Variants in GSPT1 observed in about 807,000 individuals in gnomAD.
The protein encoded by GSPT1 is eukaryotic peptide chain release factor GTP-binding subunit ERF3A.
In GSPT1, 20 loss-of-function variants were observed where a neutral mutation model predicts 72.5. That is an observed-to-expected ratio of 0.28 (90% CI 0.19 to 0.40). The LOEUF (loss-of-function observed/expected upper bound fraction) is 0.40. GSPT1 is among the 10% of genes least tolerant of loss of function. The pLI, the probability that GSPT1 is intolerant of heterozygous loss-of-function variation, is 1.00. For missense variants in GSPT1, 580 were observed against 811.9 expected (o/e 0.71, Z 3.47); for synonymous variants, 334 against 293.5 (o/e 1.14, Z -1.41).
intron 14 of GSPT1, among the ~76,000 whole-genome samples, chr16:11,874,989 A>C (rs956253420): frequency 2.6e-5 from 4 of 152,336 alleles, no homozygotes; most frequent in Non-Finnish European, 5.9e-5. Flanking sequence ...CAGGAGATCA[A>C]GACCATCCTG....
chr16:11,892,136 G>C (rs1188167449), intron 5 of GSPT1, among the ~76,000 whole-genome samples: 1 of 151,026 alleles, frequency 6.6e-6, no homozygotes, highest in East Asian at 2.0e-4. Context: ...TTGAGGCCAG[G>C]AGTTTGAGAC....
chr16:11,897,727 A>C, intron 3 of GSPT1, 113 bp downstream of exon 3: 1 of 669,250 alleles, frequency 1.5e-6, no homozygotes, highest in Non-Finnish European at 2.8e-6. Flanking sequence ...GCAAAGACTC[A>C]ATGTGTCTTA....
rs552118361 is a variant in GSPT1 at position 11,893,779 on chromosome 16, G to A, written c.698+1175C>T. Among the ~76,000 whole-genome samples, 22 of 152,232 alleles carry A rather than the reference G, an allele frequency of 1.4e-4. No homozygotes were observed. In the East Asian group the frequency reaches 4.2e-3, roughly 29 times the overall value. ...ATGGCTGTGACACTTCAACCACAGA[G>A]ACCTGGGGAAGGACCCCTGTTTAAC... On this transcript the variant is annotated intron_variant, in intron 5 of 14. Coordinates refer to ENST00000434724, the MANE Select transcript of GSPT1 (RefSeq NM_002094.4).
intron 1 of GSPT1, among the ~76,000 whole-genome samples, chr16:11,910,964 CAA>C (rs963445324): frequency 1.3e-5 from 2 of 152,148 alleles, no homozygotes; most frequent in Non-Finnish European, 2.9e-5. Flanking sequence ...AACCATGAAA[CAA>C]GAGACAAAAA....
chr16:11,879,326 G>A (rs184088146), intron 11 of GSPT1, among the ~76,000 whole-genome samples: 2 of 151,690 alleles, frequency 1.3e-5, no homozygotes, highest in East Asian at 1.9e-4. Flanking sequence ...CCCTGGAGGT[G>A]GAGGTTGCAG....
chr16:11,896,772 C>T lies in GSPT1; in HGVS notation c.450G>A (p.Glu150=). The stretch of plus-strand genomic sequence containing the variant: ...ATGATTCTTCTGGAGACATTTCTGT[C>T]TCTCCATTTTCTACTGAAGAAAGAC... ...ELSEPIVENG[E]TEMSPEESWE... The change falls in exon 4 of 15, where the codon GAG becomes GAA. Residue 150 remains glutamate (E), a synonymous_variant. Coordinates refer to ENST00000434724, the MANE Select transcript of GSPT1 (RefSeq NM_002094.4). 1 of 1,578,500 alleles carries T rather than the reference C, an allele frequency of 6.3e-7. No individual in the cohort carries two copies. Among genetic ancestry groups the T allele is most frequent in the Non-Finnish European group, 8.6e-7 (1 of 1,158,956 alleles).
At chr16:11,890,876 T>C (rs1448358581) in intron 6 of GSPT1, 186 bp downstream of exon 6, 3 of 407,072 alleles carry the variant, frequency 7.4e-6, no homozygotes, top group Admixed American at 9.0e-5. Flanking sequence ...TGTTTCCAAA[T>C]TTCTCTGTGT....
chr16:11,876,455 C>T (rs986928567), intron 12 of GSPT1, among the ~76,000 whole-genome samples: 3 of 152,040 alleles, frequency 2.0e-5, no homozygotes, highest in Admixed American at 6.6e-5. Flanking sequence ...GCTGGCTGGG[C>T]GCAGTGGTTC....
chr16:11,884,042 T>C (rs2054157473), intron 10 of GSPT1, among the ~76,000 whole-genome samples: 1 of 152,178 alleles, frequency 6.6e-6, no homozygotes. Flanking sequence ...AAAGCAATAC[T>C]TGTTAAAGAA....
rs193011652 is a variant in GSPT1 at position 11,912,907 on chromosome 16, T to A, written c.352+2462A>T. 2.6e-5 allele frequency among the ~76,000 whole-genome samples: 4 copies of A among 152,284 alleles called. No homozygotes were observed. In the East Asian group the frequency reaches 7.7e-4, roughly 29 times the overall value. ...TTCTTAAGGAACCTATATTCTTTAG[T>A]TTTCAAAGAGATCCAAGGTCAATAC... On this transcript the variant is annotated intron_variant, in intron 1 of 14. Transcript: ENST00000434724.
In GSPT1 at chr16:11,876,160, G is replaced by A. The variant is rs1234659855; in HGVS notation, c.1618C>T (p.His540Tyr). Reference sequence around the variant, plus strand: ...TAGCCTGGGCAGATGATGGATTTGTGCTCTATAATCACTATCTGTCAAACA... The same window carrying A: ...TAGCCTGGGCAGATGATGGATTTGTACTCTATAATCACTATCTGTCAAACA... The part of the protein sequence containing the change: ...TFDAQIVIIE[H>Y]KSIICPGYNA... The change falls in exon 13 of 15, where the codon CAC becomes TAC. Residue 540 changes from histidine (H) to tyrosine (Y), a missense_variant. Coordinates refer to ENST00000434724, the MANE Select transcript of GSPT1 (RefSeq NM_002094.4). 1 of 1,599,598 alleles carries A rather than the reference G, an allele frequency of 6.3e-7. No individual in the cohort carries two copies. The highest frequency in any genetic ancestry group is 2.2e-5 in the East Asian group (1 of 44,816).
chr16:11,874,202 T>C (rs2054010778), intron 14 of GSPT1, among the ~76,000 whole-genome samples: 1 of 152,152 alleles, frequency 6.6e-6, no homozygotes. Context: ...GTGATGGTTG[T>C]ACAATTCTGT....
intron 1 of GSPT1, chr16:11,903,829 T>C (rs1052195107): frequency 1.3e-5 from 2 of 152,322 alleles, no homozygotes; most frequent in East Asian, 1.9e-4. Context: ...AGACGAACTA[T>C]TAGCCCACAT....
chr16:11,907,550 G>A (rs1361500639), intron 1 of GSPT1, among the ~76,000 whole-genome samples: 1 of 152,172 alleles, frequency 6.6e-6, no homozygotes, highest in Non-Finnish European at 1.5e-5. Context: ...GCAAATGCCA[G>A]GGCCACTCTC....
intron 1 of GSPT1, chr16:11,903,796 ATTTG>A (rs1033541720): frequency 2.0e-5 from 3 of 152,232 alleles, no homozygotes; most frequent in Non-Finnish European, 2.9e-5. Flanking sequence ...GGCTTTATTT[ATTTG>A]TTTGTTAATT....
chr16:11,898,340 G>A (rs1490456473), intron 1 of GSPT1, among the ~76,000 whole-genome samples: 2 of 151,870 alleles, frequency 1.3e-5, no homozygotes, highest in East Asian at 3.9e-4. Context: ...AAAGTAATTT[G>A]CAGCTCAGCA....
intron 5 of GSPT1, among the ~76,000 whole-genome samples, chr16:11,892,531 A>AAAAAAAAT (rs1567443313): frequency 7.1e-6 from 1 of 139,864 alleles, no homozygotes; most frequent in African/African-American, 2.8e-5. Context: ...AACAAAAAAA[A>AAAAAAAAT]CAAAAAATAA....
intron 3 of GSPT1, 101 bp downstream of exon 3, chr16:11,897,739 A>C: frequency 1.4e-6 from 1 of 698,968 alleles, no homozygotes; most frequent in Non-Finnish European, 2.6e-6. Context: ...TGTGTCTTAA[A>C]TGTAGGCATT....
chr16:11,885,901 AC>A (rs2054181782), intron 9 of GSPT1, among the ~76,000 whole-genome samples: 1 of 152,262 alleles, frequency 6.6e-6, no homozygotes, highest in East Asian at 1.9e-4. Flanking sequence ...AAAAAAACAA[AC>A]CAAAAAAAAG....
Sources: allele counts gnomAD v4.1 joint callset (sites outside exome capture counted in the v4.1 genomes callset), GRCh38; gene constraint gnomAD v4.1.1; transcripts MANE v1.5; gene names NCBI Gene and HGNC (gene_info 2026-07-23, HGNC 2026-07-21).